ADCY2: variants seen among roughly 807,000 people sequenced by gnomAD.
The protein encoded by ADCY2 is adenylate cyclase type 2.
Under a neutral mutation model 125.2 loss-of-function variants are expected in ADCY2, and 31 were observed. The ratio of observed to expected loss-of-function variants is 0.25; its 90% CI spans 0.19 to 0.33. ADCY2 has a LOEUF of 0.33. Ranked by LOEUF, ADCY2 falls within the 10% of genes least tolerant of loss-of-function variation. The pLI is 1.00. For missense variants in ADCY2, 904 were observed against 1,418.2 expected (o/e 0.64, Z 5.82); for synonymous variants, 512 against 548.4 (o/e 0.93, Z 0.93).
chr5:7,805,368 C>T (rs1322920426), intron 22 of ADCY2, among the ~76,000 whole-genome samples: 1 of 152,026 alleles, frequency 6.6e-6, no homozygotes, highest in Non-Finnish European at 1.5e-5. Context: ...AAGTTGGCCA[C>T]ATGGAAATTT....
intron 3 of ADCY2, among the ~76,000 whole-genome samples, chr5:7,621,684 A>G (rs1367597156): frequency 1.3e-5 from 2 of 152,232 alleles, no homozygotes; most frequent in South Asian, 2.1e-4. Flanking sequence ...TAGAAGGGCT[A>G]TGGTGGTCAT....
At chr5:7,509,294 C>T (rs1743966352) in intron 2 of ADCY2, among the ~76,000 whole-genome samples, 1 of 152,228 alleles carries the variant, frequency 6.6e-6, no homozygotes, top group South Asian at 2.1e-4. Flanking sequence ...TGGATATTCA[C>T]AGCAAAAGAA....
intron 14 of ADCY2, among the ~76,000 whole-genome samples, chr5:7,740,257 TA>T (rs1261574244): frequency 4.6e-5 from 7 of 151,740 alleles, no homozygotes; most frequent in East Asian, 3.8e-4. Flanking sequence ...ATTCAGCATT[TA>T]AAAAAAAGAT....
intron 13 of ADCY2, 69 bp from the exon 14 acceptor site, chr5:7,727,095 G>A (rs1289086084): frequency 1.5e-5 from 18 of 1,181,724 alleles, no homozygotes; most frequent in Non-Finnish European, 2.1e-5. Context: ...GTACAACTAG[G>A]CTGCTGGACA....
chr5:7,700,008 T>A (rs1487627452), intron 7 of ADCY2, among the ~76,000 whole-genome samples: 1 of 152,230 alleles, frequency 6.6e-6, no homozygotes, highest in African/African-American at 2.4e-5. Context: ...TTCTTTGATC[T>A]TAAGGTAAAA....
chr5:7,766,884 T>C, intron 17 of ADCY2, 78 bp downstream of exon 17: 1 of 1,511,612 alleles, frequency 6.6e-7, no homozygotes. Flanking sequence ...TCCTTTAGTC[T>C]CAGATCTGTT....
intron 3 of ADCY2, among the ~76,000 whole-genome samples, chr5:7,525,704 T>G (rs2126539001): frequency 6.6e-6 from 1 of 152,140 alleles, no homozygotes; most frequent in African/African-American, 2.4e-5. Context: ...TAGTCATGAC[T>G]TCTCAAGGAC....
chr5:7,804,767 C>A, intron 22 of ADCY2, 75 bp downstream of exon 22: 1 of 1,004,782 alleles, frequency 1.0e-6, no homozygotes, highest in Non-Finnish European at 1.6e-6. Flanking sequence ...ACCAAAACAG[C>A]CATGAAATGC....
chr5:7,459,449 C>T (rs1312110133), intron 2 of ADCY2, among the ~76,000 whole-genome samples: 2 of 152,164 alleles, frequency 1.3e-5, no homozygotes, highest in African/African-American at 4.8e-5. Context: ...TGATGGTTAA[C>T]ATCAAACCCA....
intron 15 of ADCY2, among the ~76,000 whole-genome samples, chr5:7,745,698 A>G (rs915585158): frequency 9.2e-5 from 14 of 152,162 alleles, no homozygotes; most frequent in Non-Finnish European, 1.8e-4. Context: ...CAAAACAGGA[A>G]CCATCATTGG....
chr5:7,495,351 G>T (rs976733729), intron 2 of ADCY2, among the ~76,000 whole-genome samples: 1 of 152,144 alleles, frequency 6.6e-6, no homozygotes, highest in African/African-American at 2.4e-5. Flanking sequence ...GCATCATCAA[G>T]CTCTTTTGTT....
At chr5:7,413,822 G>A (rs1170057540) in intron 1 of ADCY2, among the ~76,000 whole-genome samples, 1 of 152,064 alleles carries the variant, frequency 6.6e-6, no homozygotes, top group Non-Finnish European at 1.5e-5. Context: ...TGGAAATAGT[G>A]GGTCTTTGTC....
chr5:7,419,477 G>A (rs1217451066), intron 2 of ADCY2, among the ~76,000 whole-genome samples: 1 of 152,166 alleles, frequency 6.6e-6, no homozygotes, highest in African/African-American at 2.4e-5. Flanking sequence ...GCTCAACTGA[G>A]CCTTTGATGT....
chr5:7,444,585 TTTACTC>T (rs1199733882), intron 2 of ADCY2, among the ~76,000 whole-genome samples: 15 of 152,314 alleles, frequency 9.8e-5, no homozygotes, highest in Admixed American at 6.5e-4. Context: ...TTTTCAATCT[TTTACTC>T]TTAGCAATGC....
chr5:7,715,435 G>A (rs760964887), intron 11 of ADCY2, among the ~76,000 whole-genome samples: 4 of 152,112 alleles, frequency 2.6e-5, no homozygotes, highest in Non-Finnish European at 5.9e-5. Context: ...TTGAAGTCAA[G>A]AAGCTCAAGT....
intron 14 of ADCY2, among the ~76,000 whole-genome samples, chr5:7,733,751 ACT>A (rs1214225258): frequency 6.6e-6 from 1 of 152,116 alleles, no homozygotes; most frequent in Non-Finnish European, 1.5e-5. Context: ...GGAAGAGAAG[ACT>A]CTGTACTTTC....
chr5:7,715,000 G>T (rs1039988088), intron 11 of ADCY2, among the ~76,000 whole-genome samples: 3 of 152,214 alleles, frequency 2.0e-5, no homozygotes, highest in Non-Finnish European at 4.4e-5. Context: ...AAGGCCAATG[G>T]TGGAGCCCAG....
chr5:7,820,219 G>A (rs192762070), intron 23 of ADCY2, among the ~76,000 whole-genome samples: 61 of 152,236 alleles, frequency 4.0e-4, no homozygotes, highest in East Asian at 3.1e-3. Context: ...TTGGCCTGGC[G>A]CGGTGGCTCA....
intron 2 of ADCY2, among the ~76,000 whole-genome samples, chr5:7,486,266 G>A (rs1742921681): frequency 1.3e-5 from 2 of 152,180 alleles, no homozygotes; most frequent in East Asian, 1.9e-4. Context: ...ATACACAGTT[G>A]TGAATGGGCA....
Sources: gnomAD v4.1 joint callset for allele counts (sites outside exome capture counted in the v4.1 genomes callset) on GRCh38, gnomAD v4.1.1 for gene constraint, MANE v1.5 for transcripts, NCBI Gene and HGNC (gene_info 2026-07-23, HGNC 2026-07-21) for gene names.